Variants in ELF2 observed in about 807,000 individuals in gnomAD.
ELF2 encodes the protein E74 like ETS transcription factor 2.
Under a neutral mutation model 54.8 loss-of-function variants are expected in ELF2, and 11 were observed. The observed-to-expected ratio is 0.20, with a 90% CI of 0.13 to 0.33. The LOEUF (loss-of-function observed/expected upper bound fraction) is 0.33, where lower values mean the gene tolerates loss of function less well. Among genes scored for constraint, ELF2 ranks in the 10% least tolerant of loss-of-function variants. ELF2 has a pLI of 1.00. For synonymous variants in ELF2, 203 were observed against 245.1 expected (o/e 0.83, Z 1.61); for missense variants, 513 against 703.0 (o/e 0.73, Z 3.06).
intron 1 of ELF2, among the ~76,000 whole-genome samples, chr4:139,147,987 T>C (rs1204961517): frequency 2.0e-5 from 3 of 151,476 alleles, no homozygotes; most frequent in Non-Finnish European, 2.9e-5. Context: ...GGTTTCTCCA[T>C]GTTGATCAGG....
chr4:139,066,742 A>G (rs1216596448), intron 7 of ELF2: 1 of 151,820 alleles, frequency 6.6e-6, no homozygotes, highest in Non-Finnish European at 1.5e-5. Context: ...AAAAAAAACA[A>G]ATTAGCTGGG....
intron 4 of ELF2, among the ~76,000 whole-genome samples, chr4:139,090,948 T>C (rs150246735): frequency 7.9e-6 from 1 of 126,214 alleles, no homozygotes; most frequent in South Asian, 2.6e-4. Flanking sequence ...TTTTGTTTTG[T>C]TTTGAGATGG....
intron 4 of ELF2, chr4:139,116,835 T>C (rs1211343580): frequency 7.6e-6 from 4 of 526,720 alleles, no homozygotes; most frequent in African/African-American, 2.1e-5. Flanking sequence ...ACAAAAGTTA[T>C]GACAGCTCAT....
chr4:139,162,589 A>T (rs1447469616), intron 1 of ELF2, among the ~76,000 whole-genome samples: 10 of 152,214 alleles, frequency 6.6e-5, no homozygotes, highest in Admixed American at 6.5e-4. Flanking sequence ...TTATAAATGA[A>T]CTTTTCACAT....
chr4:139,123,940 A>G (rs74894154), intron 4 of ELF2, among the ~76,000 whole-genome samples: 6,341 of 152,322 alleles, frequency 0.042, 198 homozygotes, highest in Non-Finnish European at 0.069. Context: ...TCAGACTGGA[A>G]AATTCTCCAA....
intron 4 of ELF2, among the ~76,000 whole-genome samples, chr4:139,092,758 G>A (rs550778345): frequency 5.3e-5 from 8 of 151,798 alleles, no homozygotes; most frequent in African/African-American, 1.7e-4. Flanking sequence ...CCCAGATCAC[G>A]CCACTGCACT....
At chr4:139,158,774 G>A (rs1740800885) in intron 1 of ELF2, among the ~76,000 whole-genome samples, 1 of 152,184 alleles carries the variant, frequency 6.6e-6, no homozygotes, top group South Asian at 2.1e-4. Flanking sequence ...AGTTTCCAAG[G>A]GAGTCCAAGG....
At chr4:139,072,250 T>C in intron 5 of ELF2, 1 of 497,050 alleles carries the variant, frequency 2.0e-6, no homozygotes. Context: ...AAAGGAAAAA[T>C]GTTAATCCTC....
At chr4:139,106,247 T>C (rs1326133308) in intron 4 of ELF2, among the ~76,000 whole-genome samples, 1 of 152,154 alleles carries the variant, frequency 6.6e-6, no homozygotes, top group African/African-American at 2.4e-5. Flanking sequence ...CTTTTTTTCC[T>C]TTAAAAAAAG....
At chr4:139,156,396 G>T (rs1740542132) in intron 1 of ELF2, among the ~76,000 whole-genome samples, 1 of 152,104 alleles carries the variant, frequency 6.6e-6, no homozygotes, top group Admixed American at 6.5e-5. Flanking sequence ...AGCCAGGATG[G>T]TCTCAATCTC....
At chr4:139,151,579 T>C (rs1740004583) in intron 1 of ELF2, among the ~76,000 whole-genome samples, 1 of 152,220 alleles carries the variant, frequency 6.6e-6, no homozygotes, top group Non-Finnish European at 1.5e-5. Context: ...TGGATTCATA[T>C]GTGTTTGTTA....
intron 4 of ELF2, among the ~76,000 whole-genome samples, chr4:139,120,897 T>C (rs565594656): frequency 5.3e-5 from 8 of 152,266 alleles, no homozygotes; most frequent in Non-Finnish European, 1.0e-4. Context: ...TACCCATTTA[T>C]TAATTATATT....
chr4:139,147,682 A>C (rs1474718605), intron 1 of ELF2, among the ~76,000 whole-genome samples: 5 of 150,438 alleles, frequency 3.3e-5, no homozygotes, highest in Non-Finnish European at 7.4e-5. Flanking sequence ...CACCATCTTG[A>C]CCAGGCTGGT....
intron 1 of ELF2, among the ~76,000 whole-genome samples, chr4:139,142,808 A>C (rs768331578): frequency 2.0e-5 from 3 of 151,976 alleles, no homozygotes; most frequent in Non-Finnish European, 2.9e-5. Flanking sequence ...TTGAAGCTGC[A>C]GTGATCCAAG....
At chr4:139,099,530 C>A (rs776720967) in intron 4 of ELF2, among the ~76,000 whole-genome samples, 4 of 152,182 alleles carry the variant, frequency 2.6e-5, no homozygotes, top group African/African-American at 9.6e-5. Flanking sequence ...CGTCTTCCAT[C>A]CTATCCTCAA....
intron 4 of ELF2, among the ~76,000 whole-genome samples, chr4:139,089,327 T>C (rs1204572669): frequency 6.6e-6 from 1 of 152,148 alleles, no homozygotes; most frequent in African/African-American, 2.4e-5. Context: ...CACACAGGAA[T>C]TGCTAAAAAT....
chr4:139,069,782 A>G (rs2148687227), intron 6 of ELF2, among the ~76,000 whole-genome samples: 1 of 152,308 alleles, frequency 6.6e-6, no homozygotes, highest in South Asian at 2.1e-4. Context: ...AAAAATATAA[A>G]TAACGATACT....
At chr4:139,152,558 T>C (rs1013316904) in intron 1 of ELF2, among the ~76,000 whole-genome samples, 3 of 152,110 alleles carry the variant, frequency 2.0e-5, no homozygotes, top group Non-Finnish European at 2.9e-5. Context: ...CTTGAACTCC[T>C]GGGCCCAAAC....
At chr4:139,065,182 T>C (rs1199225861) in intron 7 of ELF2, among the ~76,000 whole-genome samples, 1 of 152,194 alleles carries the variant, frequency 6.6e-6, no homozygotes, top group Non-Finnish European at 1.5e-5. Flanking sequence ...CATATTATCT[T>C]TAAACACTCA....
Sources: allele counts gnomAD v4.1 joint callset (sites outside exome capture counted in the v4.1 genomes callset), GRCh38; gene constraint gnomAD v4.1.1; transcripts MANE v1.5; gene names NCBI Gene and HGNC (gene_info 2026-07-23, HGNC 2026-07-21).